LHFPL3: variants seen among roughly 807,000 people sequenced by gnomAD.
LHFPL3 encodes LHFPL tetraspan subfamily member 3 protein.
In LHFPL3, 5 loss-of-function variants were observed where a neutral mutation model predicts 19.3. The ratio of observed to expected loss-of-function variants is 0.26; its 90% CI spans 0.14 to 0.54. The LOEUF is 0.54. Among genes scored for constraint, LHFPL3 ranks in the 20% least tolerant of loss-of-function variants. The pLI is 0.94. For missense variants in LHFPL3, 249 were observed against 307.4 expected, an observed-to-expected ratio of 0.81 and a Z score of 1.42; for synonymous variants, 133 against 126.2, an observed-to-expected ratio of 1.05 and a Z score of -0.36.
chr7:104,606,915 A>ATGAC (rs1351664547), intron 1 of LHFPL3, among the ~76,000 whole-genome samples: 2 of 152,112 alleles, frequency 1.3e-5, no homozygotes, highest in African/African-American at 2.4e-5. Flanking sequence ...ATCATGAGTC[A>ATGAC]TGACTGCAGG....
chr7:104,802,113 T>C (rs531547670), intron 2 of LHFPL3, among the ~76,000 whole-genome samples: 1 of 152,158 alleles, frequency 6.6e-6, no homozygotes. Flanking sequence ...AAAATTCATA[T>C]GTTGGAACTT....
chr7:104,621,106 A>G (rs139271878), intron 1 of LHFPL3, among the ~76,000 whole-genome samples: 13 of 152,302 alleles, frequency 8.5e-5, no homozygotes, highest in African/African-American at 3.1e-4. Flanking sequence ...TTACCTTTCA[A>G]GTCTCTGAAC....
At chr7:104,659,113 C>T (rs1792175545) in intron 1 of LHFPL3, among the ~76,000 whole-genome samples, 1 of 152,228 alleles carries the variant, frequency 6.6e-6, no homozygotes, top group African/African-American at 2.4e-5. Flanking sequence ...CACGGAACCC[C>T]CTTCTTCTCC....
chr7:104,769,844 A>C lies in LHFPL3; in HGVS notation c.682+32933A>C, dbSNP rs1361679183. Among the ~76,000 whole-genome samples, 7 of 84,208 alleles carry C rather than the reference A, an allele frequency of 8.3e-5. No individual in the cohort carries two copies. The East Asian group carries it at 2.7e-3, about 33-fold the overall frequency. 55.2% of individuals were successfully genotyped at this position (84,208 alleles called of 152,430 possible). A position where few individuals can be genotyped will look rare whatever the true frequency, so the allele number is the denominator to read the frequency against. ...TGGCACATATATGCCGTGGAATACT[A>C]TGCAGCCATAAAAAAAGGATGAGTT... On this transcript the variant is annotated intron_variant, in intron 2 of 2. Coordinates refer to ENST00000424859, the MANE Select transcript of LHFPL3 (RefSeq NM_199000.3).
intron 1 of LHFPL3, chr7:104,669,261 T>C (rs1792424996): frequency 8.7e-6 from 14 of 1,613,556 alleles, no homozygotes; most frequent in Non-Finnish European, 1.2e-5. Flanking sequence ...CCCCTACAAG[T>C]GGTGGGGGAA....
At chr7:104,373,198 T>C (rs1379254091) in intron 1 of LHFPL3, among the ~76,000 whole-genome samples, 1 of 152,186 alleles carries the variant, frequency 6.6e-6, no homozygotes, top group East Asian at 1.9e-4. Context: ...AATGTAATAA[T>C]GTATCCCTTT....
chr7:104,586,795 C>G (rs547241988), intron 1 of LHFPL3, among the ~76,000 whole-genome samples: 1 of 152,236 alleles, frequency 6.6e-6, no homozygotes, highest in Non-Finnish European at 1.5e-5. Context: ...CTACGCCACA[C>G]AAATGTTTTA....
chr7:104,864,393 C>T (rs895097157), intron 2 of LHFPL3, among the ~76,000 whole-genome samples: 12 of 152,124 alleles, frequency 7.9e-5, no homozygotes, highest in Admixed American at 5.9e-4. Context: ...CAGATGGCAC[C>T]TGGAAAATCA....
At chr7:104,899,028 A>G (rs796486673) in intron 2 of LHFPL3, among the ~76,000 whole-genome samples, 9 of 152,174 alleles carry the variant, frequency 5.9e-5, no homozygotes, top group African/African-American at 1.9e-4. Context: ...GCTTGAGCCC[A>G]GAAAGTCAAG....
At chr7:104,373,762 C>T (rs1790655764) in intron 1 of LHFPL3, among the ~76,000 whole-genome samples, 1 of 152,098 alleles carries the variant, frequency 6.6e-6, no homozygotes, top group South Asian at 2.1e-4. Flanking sequence ...GTTTCCTATT[C>T]AGATCTTTAA....
chr7:104,416,705 G>A (rs902368165), intron 1 of LHFPL3, among the ~76,000 whole-genome samples: 2 of 152,176 alleles, frequency 1.3e-5, no homozygotes, highest in Non-Finnish European at 1.5e-5. Flanking sequence ...AACACAATAG[G>A]CTTTATAATT....
chr7:104,539,905 T>C (rs1794453565), intron 1 of LHFPL3, among the ~76,000 whole-genome samples: 1 of 152,168 alleles, frequency 6.6e-6, no homozygotes, highest in African/African-American at 2.4e-5. Flanking sequence ...GGGAACCCTA[T>C]ATTGGTTTTC....
chr7:104,728,604 C>A (rs1793632258), intron 1 of LHFPL3, among the ~76,000 whole-genome samples: 1 of 152,126 alleles, frequency 6.6e-6, no homozygotes, highest in Non-Finnish European at 1.5e-5. Flanking sequence ...TAAATGTTGC[C>A]CCCTCAAGAG....
At chr7:104,518,797 TGATAGATAGATAGATAGATA>T (rs56373754) in intron 1 of LHFPL3, among the ~76,000 whole-genome samples, 13 of 138,540 alleles carry the variant, frequency 9.4e-5, no homozygotes, top group Admixed American at 7.1e-5. Context: ...AATAAATAGA[TGATAGATAGATAGATAGATA>T]GATAGATAGA....
intron 2 of LHFPL3, among the ~76,000 whole-genome samples, chr7:104,833,121 G>GAT (rs1451878489): frequency 5.8e-4 from 12 of 20,644 alleles, no homozygotes; most frequent in Admixed American, 2.4e-3. Context: ...TCCTGAGGAG[G>GAT]ATATATATAT....
intron 1 of LHFPL3, among the ~76,000 whole-genome samples, chr7:104,621,099 C>T (rs898215989): frequency 1.3e-5 from 2 of 152,192 alleles, no homozygotes; most frequent in African/African-American, 2.4e-5. Context: ...AGTTTCTTTA[C>T]CTTTCAAGTC....
chr7:104,765,636 C>A (rs375167036), intron 2 of LHFPL3, among the ~76,000 whole-genome samples: 116 of 152,316 alleles, frequency 7.6e-4, no homozygotes, highest in Non-Finnish European at 1.4e-3. Flanking sequence ...TGAGCTTATA[C>A]ATGTACAAAG....
At chr7:104,694,655 AAT>A (rs1297773678) in intron 1 of LHFPL3, among the ~76,000 whole-genome samples, 3 of 152,360 alleles carry the variant, frequency 2.0e-5, no homozygotes, top group South Asian at 4.1e-4. Flanking sequence ...CAGAAAAGAA[AAT>A]AGTTTGTCAA....
chr7:104,472,269 A>G (rs1792925946), intron 1 of LHFPL3, among the ~76,000 whole-genome samples: 1 of 152,066 alleles, frequency 6.6e-6, no homozygotes. Flanking sequence ...CCTTCATGCC[A>G]CCGATGAGTT....
Sources: allele counts gnomAD v4.1 joint callset (sites outside exome capture counted in the v4.1 genomes callset), GRCh38; gene constraint gnomAD v4.1.1; transcripts MANE v1.5; gene names NCBI Gene and HGNC (gene_info 2026-07-23, HGNC 2026-07-21).